Variants in GPHN observed in about 807,000 individuals in gnomAD.
The protein encoded by GPHN is gephyrin.
In GPHN, 17 loss-of-function variants were observed where a neutral mutation model predicts 95.5. The observed-to-expected ratio is 0.18, with a 90% CI of 0.12 to 0.27. The LOEUF (loss-of-function observed/expected upper bound fraction) is 0.27. Ranked by LOEUF, GPHN falls within the 10% of genes least tolerant of loss-of-function variation. The pLI is 1.00. For synonymous variants in GPHN, 320 were observed against 322.5 expected (o/e 0.99, Z 0.08); for missense variants, 660 against 978.1 (o/e 0.67, Z 4.34).
chr14:67,067,404 G>C (rs2076104725), intron 11 of GPHN, among the ~76,000 whole-genome samples: 1 of 152,188 alleles, frequency 6.6e-6, no homozygotes, highest in South Asian at 2.1e-4. Flanking sequence ...GGCTACACAG[G>C]GGTCAGGGAC....
At chr14:67,336,792 C>T in the GPHN span, 1 of 455,824 alleles carries the variant, frequency 2.2e-6, no homozygotes, top group South Asian at 1.5e-5. Context: ...TACTTGTGAA[C>T]TGAGTTGTTG....
chr14:67,705,280 C>A, the GPHN span, among the ~76,000 whole-genome samples: 4 of 152,272 alleles, frequency 2.6e-5, no homozygotes, highest in South Asian at 2.1e-4. Flanking sequence ...TGACAACATA[C>A]AAGTTAAAAT....
chr14:67,678,288 C>T, the GPHN span: 2 of 1,294,930 alleles, frequency 1.5e-6, no homozygotes, highest in South Asian at 1.2e-5. Flanking sequence ...TAGTCTGCTG[C>T]AGTCTTCTCT....
chr14:67,286,837 CAG>C, the GPHN span, among the ~76,000 whole-genome samples: 1 of 119,732 alleles, frequency 8.4e-6, no homozygotes, highest in Non-Finnish European at 1.6e-5. Context: ...AGCGTGGTGA[CAG>C]AGTGAGACCT....
chr14:67,265,727 C>T, the GPHN span, among the ~76,000 whole-genome samples: 1 of 151,664 alleles, frequency 6.6e-6, no homozygotes, highest in African/African-American at 2.4e-5. Context: ...TGCAGTGACA[C>T]GCCCCTGTAA....
rs2058653742 is a variant in GPHN, at chr14:66,758,596, T to C, written c.144-17868T>C. 2.0e-5 allele frequency among the ~76,000 whole-genome samples: 3 copies of C among 151,942 alleles called. No individual in the cohort carries two copies. The South Asian group carries it at 6.3e-4, about 32-fold the overall frequency. Reference sequence around the variant, plus strand: ...CATGTATCAAAATGAAAAAAGGGGGTAAGGACAGCTTAGAAATCCTGAGGC... The same window carrying C: ...CATGTATCAAAATGAAAAAAGGGGGCAAGGACAGCTTAGAAATCCTGAGGC... On this transcript the variant is annotated intron_variant, in intron 2 of 22. Coordinates refer to ENST00000478722, the MANE Select transcript of GPHN (RefSeq NM_020806.5).
At chr14:67,696,457 G>A in the GPHN span, among the ~76,000 whole-genome samples, 1 of 152,176 alleles carries the variant, frequency 6.6e-6, no homozygotes, top group Admixed American at 6.5e-5. Flanking sequence ...GAAGCAATAA[G>A]TCCTTGAAGA....
chr14:66,772,356 C>T (rs1486855468), intron 2 of GPHN, among the ~76,000 whole-genome samples: 3 of 152,206 alleles, frequency 2.0e-5, no homozygotes, highest in South Asian at 2.1e-4. Context: ...TCTTTGACCT[C>T]GTGGTAGGCA....
chr14:67,325,908 G>A, the GPHN span, among the ~76,000 whole-genome samples: 3 of 150,498 alleles, frequency 2.0e-5, no homozygotes, highest in Non-Finnish European at 3.0e-5. Flanking sequence ...TCCTGGGTTC[G>A]AGCTATTCTT....
At chr14:66,935,839 A>G (rs1011315521) in intron 8 of GPHN, among the ~76,000 whole-genome samples, 6 of 152,118 alleles carry the variant, frequency 3.9e-5, no homozygotes, top group Non-Finnish European at 7.3e-5. Flanking sequence ...TTGAATACCA[A>G]TCATTCTCTA....
chr14:67,148,558 C>CTTTTTT (rs368140123), intron 18 of GPHN, among the ~76,000 whole-genome samples: 6 of 109,060 alleles, frequency 5.5e-5, no homozygotes, highest in South Asian at 3.1e-4. Flanking sequence ...ACTTTATTTG[C>CTTTTTT]TTTTTTTTTT....
chr14:67,376,615 T>G, the GPHN span: 1 of 1,605,608 alleles, frequency 6.2e-7, no homozygotes, highest in Non-Finnish European at 8.5e-7. Flanking sequence ...TTGACTCTCC[T>G]TCTACCTTGA....
At chr14:67,669,779 A>G in the GPHN span, among the ~76,000 whole-genome samples, 1 of 152,032 alleles carries the variant, frequency 6.6e-6, no homozygotes, top group African/African-American at 2.4e-5. Flanking sequence ...CCTCATATCC[A>G]TTGAGGCTGG....
chr14:67,594,586 G>C, the GPHN span, among the ~76,000 whole-genome samples: 1 of 152,014 alleles, frequency 6.6e-6, no homozygotes, highest in African/African-American at 2.4e-5. Context: ...GGCGGAGGCG[G>C]AGGTTGCAGT....
chr14:67,046,715 G>T (rs541001917), intron 10 of GPHN, among the ~76,000 whole-genome samples: 1 of 152,190 alleles, frequency 6.6e-6, no homozygotes, highest in African/African-American at 2.4e-5. Context: ...TCATTGTCTT[G>T]AATAAGCAAG....
intron 3 of GPHN, among the ~76,000 whole-genome samples, chr14:66,801,092 C>A (rs1053904799): frequency 2.6e-5 from 4 of 152,034 alleles, no homozygotes; most frequent in African/African-American, 9.7e-5. Flanking sequence ...GTCTGAATTT[C>A]TTCTCTGTCT....
At chr14:67,397,643 A>G in the GPHN span, 3 of 1,600,382 alleles carry the variant, frequency 1.9e-6, no homozygotes, top group African/African-American at 4.0e-5. Context: ...GGAGCTGGAC[A>G]GCAGGGGCCA....
intron 4 of GPHN, among the ~76,000 whole-genome samples, chr14:66,837,027 T>C (rs1315641469): frequency 1.3e-5 from 2 of 148,748 alleles, no homozygotes; most frequent in South Asian, 4.3e-4. Flanking sequence ...ATTGTGGAAG[T>C]CAGTGTGGCG....
At chr14:66,654,353 C>T (rs551816799) in intron 1 of GPHN, among the ~76,000 whole-genome samples, 1 of 152,170 alleles carries the variant, frequency 6.6e-6, no homozygotes, top group Non-Finnish European at 1.5e-5. Flanking sequence ...CCTCAGCCTC[C>T]CAAAGTGCTG....
Sources: gnomAD v4.1 joint callset for allele counts (sites outside exome capture counted in the v4.1 genomes callset) on GRCh38, gnomAD v4.1.1 for gene constraint, MANE v1.5 for transcripts, NCBI Gene and HGNC (gene_info 2026-07-23, HGNC 2026-07-21) for gene names.